Variants in TRIM67 observed in about 807,000 individuals in gnomAD.
TRIM67 encodes tripartite motif containing 67.
A neutral mutation model predicts 71.0 loss-of-function variants in TRIM67; 39 were observed. That is an observed-to-expected ratio of 0.55 (90% confidence interval 0.43 to 0.72). The LOEUF (loss-of-function observed/expected upper bound fraction) is 0.72. TRIM67 is among the 30% of genes least tolerant of loss of function. TRIM67 has a pLI of 0.00. For missense variants in TRIM67, 973 were observed against 1,079.2 expected (o/e 0.90, Z 1.38); for synonymous variants, 481 against 473.9 (o/e 1.01, Z -0.19).
chr1:231,188,900 C>T (rs1244434912), intron 1 of TRIM67, among the ~76,000 whole-genome samples: 1 of 152,228 alleles, frequency 6.6e-6, no homozygotes, highest in Non-Finnish European at 1.5e-5. Context: ...TGGGTTCGGG[C>T]AGTCAGACCT....
chr1:231,163,415 C>G lies in TRIM67; in HGVS notation c.446C>G (p.Ser149Trp). The stretch of plus-strand genomic sequence containing the variant: ...GCGGCTCGGGGTGCCGCCTGCTCCT[C>G]GCTGTCCTCGTCTTCGAGCTCCATC... Reference protein sequence around the residue: ...AAAARGAACSSLSSSSSSITC... With the variant: ...AAAARGAACSWLSSSSSSITC... Residue 149 changes from serine (S) to tryptophan (W), a missense_variant, in exon 1 of 10, where the codon TCG becomes TGG. Around this residue, in one of 2 missense-constraint regions of TRIM67, gnomAD observed 795 missense variants for 831.3 expected, o/e 0.96. Coordinates refer to ENST00000366653, the MANE Select transcript of TRIM67 (RefSeq NM_001004342.5). 3.3e-6 allele frequency: 5 copies of G among 1,538,186 alleles called. No individual in the cohort carries two copies. Among genetic ancestry groups the G allele is most frequent in the South Asian group, 1.2e-5 (1 of 82,838 alleles).
rs1405531117 is a variant in TRIM67 at position 231,216,430 on chromosome 1, C to T, written c.*990C>T. ...GGTGATGGCTCCTTTCTGAAACTGG[C>T]AGCCCAAGAAGTTAACTGAAAATGC... On this transcript the variant is annotated 3_prime_UTR_variant, in exon 10 of 10. Coordinates refer to ENST00000366653, the MANE Select transcript of TRIM67 (RefSeq NM_001004342.5). 5.1e-6 allele frequency: 5 copies of T among 985,362 alleles called. No individual in the cohort carries two copies. The highest frequency in any genetic ancestry group is 6.1e-5 in the Admixed American group (1 of 16,262). The allele number at this position is 985,362 out of a possible 1,614,324, so 61.0% of individuals were successfully genotyped here. A position where few individuals can be genotyped will look rare whatever the true frequency, so the allele number is the denominator to read the frequency against.
chr1:231,181,731 G>A (rs1682912857), intron 1 of TRIM67, among the ~76,000 whole-genome samples: 1 of 152,076 alleles, frequency 6.6e-6, no homozygotes, highest in Non-Finnish European at 1.5e-5. Flanking sequence ...CTGAGCTGTA[G>A]AGAGGTAGAC....
chr1:231,191,449 C>T (rs958362683), intron 1 of TRIM67, among the ~76,000 whole-genome samples: 8 of 152,136 alleles, frequency 5.3e-5, no homozygotes, highest in African/African-American at 1.9e-4. Context: ...AGCCGCTCTC[C>T]GCGGACTGGC....
In TRIM67 at chr1:231,218,249, T is replaced by C. The variant is rs966359021; in HGVS notation, c.*2809T>C. On this transcript the variant is annotated 3_prime_UTR_variant, in exon 10 of 10. Transcript: ENST00000366653. Reference sequence around the variant, plus strand: ...TCCACCATCGAATTCCATAACACGTTACATCATGGTGGCACATTTGTACAT... The same window carrying C: ...TCCACCATCGAATTCCATAACACGTCACATCATGGTGGCACATTTGTACAT... 68 of 998,680 alleles carry C rather than the reference T, an allele frequency of 6.8e-5. 1 individual carries two copies. Among genetic ancestry groups the C allele is most frequent in the Non-Finnish European group, 8.0e-5 (67 of 837,906 alleles). 61.9% of individuals were successfully genotyped at this position (998,680 alleles called of 1,614,324 possible). A position where few individuals can be genotyped will look rare whatever the true frequency, so the allele number is the denominator to read the frequency against.
rs564615129 is a variant in TRIM67, at chr1:231,217,820, G to A, written c.*2380G>A. On this transcript the variant is annotated 3_prime_UTR_variant, in exon 10 of 10. Coordinates refer to ENST00000366653, the MANE Select transcript of TRIM67 (RefSeq NM_001004342.5). The stretch of plus-strand genomic sequence containing the variant: ...ACCCCTTTGAGGGAGCAGCATCCAG[G>A]TCAGGAGAGAAGTGGAAAGTGCAGG... The A allele has an allele frequency of 3.1e-6, 4 of 1,289,516 alleles. No homozygotes were observed. Among genetic ancestry groups the A allele is most frequent in the Admixed American group, 2.3e-5 (1 of 43,534 alleles). The allele number at this position is 1,289,516 out of a possible 1,614,324, so 79.9% of individuals were successfully genotyped here. A position where few individuals can be genotyped will look rare whatever the true frequency, so the allele number is the denominator to read the frequency against.
intron 1 of TRIM67, among the ~76,000 whole-genome samples, chr1:231,186,797 G>A (rs986213270): frequency 6.6e-6 from 1 of 152,162 alleles, no homozygotes; most frequent in Non-Finnish European, 1.5e-5. Context: ...CAGGATACAG[G>A]CTTGCATTGA....
rs573219469 is a variant in TRIM67, at chr1:231,180,892, T to C, written c.1045-16479T>C. On this transcript the variant is annotated intron_variant, in intron 1 of 9. Coordinates refer to ENST00000366653, the MANE Select transcript of TRIM67 (RefSeq NM_001004342.5). ...GTCCTATCACTCTAAGGCTGGGCCC[T>C]CTAACTTGCTTGGGTCAATGAAATG... Among the ~76,000 whole-genome samples, 3 of 152,282 alleles carry C rather than the reference T, an allele frequency of 2.0e-5. No homozygotes were observed. The South Asian group carries it at 6.2e-4, about 32-fold the overall frequency.
intron 1 of TRIM67, among the ~76,000 whole-genome samples, chr1:231,175,363 G>A (rs1017897504): frequency 6.6e-6 from 1 of 152,238 alleles, no homozygotes; most frequent in Non-Finnish European, 1.5e-5. Context: ...ATCTCAGGAA[G>A]TGTGAGAGGT....
At chr1:231,179,155 G>C (rs1682833936) in intron 1 of TRIM67, among the ~76,000 whole-genome samples, 1 of 152,190 alleles carries the variant, frequency 6.6e-6, no homozygotes, top group South Asian at 2.1e-4. Context: ...CAAGGTGTCG[G>C]CAGGGCGGTG....
intron 3 of TRIM67, among the ~76,000 whole-genome samples, chr1:231,199,695 A>G (rs111963150): frequency 0.013 from 2,008 of 152,308 alleles, 42 homozygotes; most frequent in African/African-American, 0.046. Context: ...AGCTCCATCT[A>G]TGCTAGAGAC....
chr1:231,213,279 G>T (rs1004789087), intron 8 of TRIM67, among the ~76,000 whole-genome samples: 2 of 152,140 alleles, frequency 1.3e-5, no homozygotes, highest in Non-Finnish European at 2.9e-5. Context: ...GAAAGAGGGG[G>T]TTGAACAGCC....
Position 231,217,587 on chromosome 1 carries a change from C to T in TRIM67, c.*2147C>T. 1.9e-5 allele frequency: 20 copies of T among 1,057,646 alleles called. No individual in the cohort carries two copies. The highest frequency in any genetic ancestry group is 2.2e-5 in the Non-Finnish European group (19 of 870,776). 65.5% of individuals were successfully genotyped at this position (1,057,646 alleles called of 1,614,324 possible). On this transcript the variant is annotated 3_prime_UTR_variant, in exon 10 of 10. Transcript: ENST00000366653. ...GCTTTGGGAAGTGTCTAGCTCTCTTCTGAAAAAAAAACAGGCCTACACCCT... is the reference window on the plus strand; with the variant it reads ...GCTTTGGGAAGTGTCTAGCTCTCTTTTGAAAAAAAAACAGGCCTACACCCT...
rs1281937262 is a variant in TRIM67, at chr1:231,209,991, A to G, written c.2123+741A>G. On this transcript the variant is annotated intron_variant, in intron 8 of 9. Transcript: ENST00000366653. This position sits in a 1 kb window ranked among gnomAD's most constrained non-coding sequence, Gnocchi z 4.1. ...TGGTCTCTCTCCTCAGACACAAAGA[A>G]GGCAGTGCCCCCCCAACACCCCTGC... Among the ~76,000 whole-genome samples, 3 of 152,112 alleles carry G rather than the reference A, an allele frequency of 2.0e-5. No homozygotes were observed. The South Asian group carries it at 6.2e-4, about 31-fold the overall frequency.
chr1:231,192,283 G>A (rs1683251970), intron 1 of TRIM67, among the ~76,000 whole-genome samples: 1 of 152,094 alleles, frequency 6.6e-6, no homozygotes, highest in South Asian at 2.1e-4. Context: ...CTCCCAAGTA[G>A]CTGAGACTAG....
chr1:231,212,980 G>A (rs972849218), intron 8 of TRIM67, among the ~76,000 whole-genome samples: 11 of 152,102 alleles, frequency 7.2e-5, no homozygotes, highest in Admixed American at 2.0e-4. Flanking sequence ...TTCAACTTCA[G>A]CACCCTTCTG....
chr1:231,163,064 G>T lies in TRIM67; in HGVS notation c.95G>T (p.Arg32Leu). Reference sequence around the variant, plus strand: ...CACAATGTCTGCCTGCCTTGCGCTCGCACCATCGCGGTGCAGACCCCGGAC... The same window carrying T: ...CACAATGTCTGCCTGCCTTGCGCTCTCACCATCGCGGTGCAGACCCCGGAC... ...CSHNVCLPCA[R>L]TIAVQTPDGE... The change falls in exon 1 of 10, where the codon CGC becomes CTC. Residue 32 changes from arginine (R) to leucine (L), a missense_variant. Around this residue, in one of 2 missense-constraint regions of TRIM67, gnomAD observed 795 missense variants for 831.3 expected, o/e 0.96. Coordinates refer to ENST00000366653, the MANE Select transcript of TRIM67 (RefSeq NM_001004342.5). The T allele has an allele frequency of 1.2e-6, 2 of 1,604,248 alleles. No individual in the cohort carries two copies. The highest frequency in any genetic ancestry group is 2.3e-5 in the East Asian group (1 of 44,302).
At chr1:231,165,352 T>C (rs1055933305) in intron 1 of TRIM67, among the ~76,000 whole-genome samples, 1 of 152,180 alleles carries the variant, frequency 6.6e-6, no homozygotes, top group African/African-American at 2.4e-5. Context: ...TTAAAACCCA[T>C]TGGAAAAAAA....
At chr1:231,199,998 C>A (rs1385325990) in intron 3 of TRIM67, 150 bp from the exon 4 acceptor site, 3 of 611,128 alleles carry the variant, frequency 4.9e-6, no homozygotes, top group Non-Finnish European at 8.9e-6. Flanking sequence ...TGGAGCTTAG[C>A]AGCAGAGCTG....
Sources: gnomAD v4.1 joint callset for allele counts (sites outside exome capture counted in the v4.1 genomes callset) on GRCh38, gnomAD v4.1.1 for gene constraint, gnomAD v4.1.1 regional missense constraint, Gnocchi (gnomAD v3.1) non-coding constraint, MANE v1.5 for transcripts, NCBI Gene and HGNC (gene_info 2026-07-23, HGNC 2026-07-21) for gene names.